Variants in KCNC1 observed in about 807,000 individuals in gnomAD.
KCNC1 encodes potassium voltage-gated channel subfamily C member 1.
A neutral mutation model predicts 43.4 loss-of-function variants in KCNC1; 8 were observed. The ratio of observed to expected loss-of-function variants is 0.18; its 90% CI spans 0.11 to 0.33. The LOEUF (loss-of-function observed/expected upper bound fraction) is 0.33, where lower values mean the gene tolerates loss of function less well. Among genes scored for constraint, KCNC1 ranks in the 10% least tolerant of loss-of-function variants. The pLI, the probability that KCNC1 is intolerant of heterozygous loss-of-function variation, is 1.00. For missense variants in KCNC1, 420 were observed against 836.0 expected, an observed-to-expected ratio of 0.50 and a Z score of 6.14; for synonymous variants, 361 against 360.5, an observed-to-expected ratio of 1.00 and a Z score of -0.01.
intron 2 of KCNC1, chr11:17,774,452 T>C: frequency 1.0e-6 from 1 of 985,508 alleles, no homozygotes; most frequent in Non-Finnish European, 1.2e-6. Context: ...TCCCCAGTGC[T>C]CTCCAGGCAG....
In KCNC1 at chr11:17,773,410, C is replaced by A. The variant is rs1229926898; in HGVS notation, c.1504+812C>A. On this transcript the variant is annotated intron_variant, in intron 2 of 3. Transcript: ENST00000265969. This position sits in a 1 kb window ranked among gnomAD's most constrained non-coding sequence, Gnocchi z 4.1. The stretch of plus-strand genomic sequence containing the variant: ...TGCCGAGCAAAAGACTAGAGGGGGC[C>A]ACCACCCTGGGCAGCTTAGATGAAA... 1.0e-6 allele frequency: 1 copy of A among 985,262 alleles called. No individual in the cohort carries two copies. The highest frequency in any genetic ancestry group is 6.2e-5 in the Admixed American group (1 of 16,260). 61.0% of individuals were successfully genotyped at this position (985,262 alleles called of 1,614,324 possible).
chr11:17,751,070 G>A (rs1389561493), intron 1 of KCNC1, among the ~76,000 whole-genome samples: 3 of 152,164 alleles, frequency 2.0e-5, no homozygotes, highest in East Asian at 3.8e-4. Context: ...CCCTCTTATT[G>A]ATGAGGGAAA....
At chr11:17,778,350 C>T (rs1315204559) in intron 2 of KCNC1, among the ~76,000 whole-genome samples, 1 of 152,220 alleles carries the variant, frequency 6.6e-6, no homozygotes, top group Non-Finnish European at 1.5e-5. Flanking sequence ...CAGGCTGCCA[C>T]AGAGGCCAGA....
intron 1 of KCNC1, among the ~76,000 whole-genome samples, chr11:17,752,064 A>G (rs746766217): frequency 1.3e-5 from 2 of 152,140 alleles, no homozygotes; most frequent in African/African-American, 2.4e-5. Context: ...GCTTTTTGCT[A>G]TCAACCCCCA....
intron 1 of KCNC1, among the ~76,000 whole-genome samples, chr11:17,748,151 A>G (rs2133785468): frequency 6.6e-6 from 1 of 152,334 alleles, no homozygotes; most frequent in African/African-American, 2.4e-5. Context: ...GCAGGAGCCC[A>G]GGGCGCACTG....
rs942115313 is a variant in KCNC1 at position 17,739,055 on chromosome 11, C to T, written c.570+2483C>T. Among the ~76,000 whole-genome samples the T allele has an allele frequency of 3.3e-5, 5 of 152,324 alleles. No homozygotes were observed. The highest frequency in any genetic ancestry group is 1.2e-4 in the African/African-American group (5 of 41,574). ...CCGCCCGGCTGGCCTAGCTGCACTGCGCTGCCTCTCTGCGGCTCATCTGCG... is the reference window on the plus strand; with the variant it reads ...CCGCCCGGCTGGCCTAGCTGCACTGTGCTGCCTCTCTGCGGCTCATCTGCG... On this transcript the variant is annotated intron_variant, in intron 1 of 3. Coordinates refer to ENST00000265969, the MANE Select transcript of KCNC1 (RefSeq NM_001112741.2). The surrounding 1 kb of genome is among the most constrained non-coding windows in gnomAD (Gnocchi z 4.2).
At chr11:17,738,896 G>A (rs1253042790) in intron 1 of KCNC1, among the ~76,000 whole-genome samples, 1 of 152,232 alleles carries the variant, frequency 6.6e-6, no homozygotes, top group Non-Finnish European at 1.5e-5. Context: ...TGGCCTCAAA[G>A]GAAGGTTGTT....
In KCNC1 at chr11:17,777,870, G is replaced by A. The variant is rs924190304; in HGVS notation, c.1505-1586G>A. ...GTAGTGACATGATGTGTACACGGGC[G>A]GTAATCCCACCCACGTGCACGCCCA... is the stretch of plus-strand genomic sequence containing the variant. On this transcript the variant is annotated intron_variant, in intron 2 of 3. Transcript: ENST00000265969. The surrounding 1 kb of genome is among the most constrained non-coding windows in gnomAD (Gnocchi z 4.3). The A allele has an allele frequency of 3.3e-5, 33 of 985,976 alleles. No homozygotes were observed. The highest frequency in any genetic ancestry group is 9.4e-5 in the South Asian group (2 of 21,270). 61.1% of individuals were successfully genotyped at this position (985,976 alleles called of 1,614,324 possible).
intron 1 of KCNC1, among the ~76,000 whole-genome samples, chr11:17,750,349 G>T (rs1848953011): frequency 6.6e-6 from 1 of 152,258 alleles, no homozygotes; most frequent in Admixed American, 6.5e-5. Context: ...TCAGCCGGTT[G>T]CCCACAACCT....
intron 2 of KCNC1, chr11:17,775,722 C>T: frequency 5.1e-6 from 5 of 985,848 alleles, no homozygotes; most frequent in Non-Finnish European, 6.0e-6. Flanking sequence ...CTTTGTGGTG[C>T]CGCGTCCAGG....
Position 17,742,757 on chromosome 11 carries a change from C to G in KCNC1, c.570+6185C>G, listed in dbSNP as rs1430816712. ...GCTCAGAGAGGGAAAGACACTTGCT[C>G]AAGACAACACAGGGAATCAGTGAGA... is the stretch of plus-strand genomic sequence containing the variant. On this transcript the variant is annotated intron_variant, in intron 1 of 3. Transcript: ENST00000265969. The surrounding 1 kb of genome is among the most constrained non-coding windows in gnomAD (Gnocchi z 4.2). 6.6e-6 allele frequency among the ~76,000 whole-genome samples: 1 copy of G among 152,182 alleles called. No individual in the cohort carries two copies. The highest frequency in any genetic ancestry group is 1.9e-4 in the East Asian group (1 of 5,202).
Position 17,782,023 on chromosome 11 carries a change from C to A in KCNC1, c.*289C>A. The stretch of plus-strand genomic sequence containing the variant: ...GCATGAAGTTAAACAGAAAACCCAG[C>A]AAACCAAACCCACCAACCCCCTGCA... On this transcript the variant is annotated 3_prime_UTR_variant, in exon 4 of 4. Transcript: ENST00000265969. The A allele has an allele frequency of 2.6e-6, 1 of 386,084 alleles. No homozygotes were observed. The highest frequency in any genetic ancestry group is 4.6e-6 in the Non-Finnish European group (1 of 217,502). The allele number at this position is 386,084 out of a possible 1,614,324, so 23.9% of individuals were successfully genotyped here. A position where few individuals can be genotyped will look rare whatever the true frequency, so the allele number is the denominator to read the frequency against.
chr11:17,777,279 C>A lies in KCNC1; in HGVS notation c.1505-2177C>A. On this transcript the variant is annotated intron_variant, in intron 2 of 3. Transcript: ENST00000265969. The surrounding 1 kb of genome is among the most constrained non-coding windows in gnomAD (Gnocchi z 4.3). ...CCCCTCTGACCCACCCCTCCCCAGG[C>A]AAGAACTGCAGGCTGTGGACACCTC... The A allele has an allele frequency of 1.0e-6, 1 of 985,904 alleles. No homozygotes were observed. Among genetic ancestry groups the A allele is most frequent in the Non-Finnish European group, 1.2e-6 (1 of 830,012 alleles). 61.1% of individuals were successfully genotyped at this position (985,904 alleles called of 1,614,324 possible).
At position 17,779,471 on chromosome 11, in the gene KCNC1, G is replaced by A. The variant is rs907608917; in HGVS notation, c.1520G>A (p.Gly507Glu). The A allele has an allele frequency of 6.5e-7, 1 of 1,548,542 alleles. No individual in the cohort carries two copies. The highest frequency in any genetic ancestry group is 8.7e-7 in the Non-Finnish European group (1 of 1,145,758). ...ATGTTTGAAGATTCCAAACTGAATG[G>A]GGAGGTGGCGAAGGCCGCGCTGGCG... ...EINRADSKLN[G>E]EVAKAALANE... The change falls in exon 3 of 4, where the codon GGG becomes GAG. Residue 507 changes from glycine to glutamate, a missense_variant. By Grantham distance (98) the Gly-to-Glu change is moderately conservative. Around this residue, in one of 5 missense-constraint regions of KCNC1, gnomAD observed 147 missense variants for 176.1 expected, o/e 0.83. Coordinates refer to ENST00000265969, the MANE Select transcript of KCNC1 (RefSeq NM_001112741.2). This position sits in a 1 kb window ranked among gnomAD's most constrained non-coding sequence, Gnocchi z 7.2.
Position 17,771,666 on chromosome 11 carries a change from A to G in KCNC1, c.572A>G (p.Tyr191Cys). 3 of 1,606,850 alleles carry G rather than the reference A, an allele frequency of 1.9e-6. No individual in the cohort carries two copies. The highest frequency in any genetic ancestry group is 2.6e-6 in the Non-Finnish European group (3 of 1,174,288). Residue 191 changes from tyrosine to cysteine, a missense_variant and splice_region_variant, in exon 2 of 4, where the codon TAT (tyrosine) becomes TGT (cysteine). Physicochemically the swap from Tyr to Cys is radical, Grantham distance 194. Coordinates refer to ENST00000265969, the MANE Select transcript of KCNC1 (RefSeq NM_001112741.2). The surrounding 1 kb of genome is among the most constrained non-coding windows in gnomAD (Gnocchi z 4.7). ...GACACTGTGTCTTTATCCCCACAGT[A>G]TGTGGCCTTCGCTTCCCTCTTCTTC... ...EDPYSSRYAR[Y>C]VAFASLFFIL...
At position 17,741,876 on chromosome 11, in the gene KCNC1, C is replaced by T. The variant is rs72632992; in HGVS notation, c.570+5304C>T. Among the ~76,000 whole-genome samples, 373 of 152,330 alleles carry T rather than the reference C, an allele frequency of 2.4e-3. 8 individuals are homozygous for T. In the East Asian group the frequency reaches 0.048, roughly 19 times the overall value. On this transcript the variant is annotated intron_variant, in intron 1 of 3. Transcript: ENST00000265969. The stretch of plus-strand genomic sequence containing the variant: ...CCTCTGGCTCACCCCTCTTTATCCC[C>T]GACACCCCACCTCAAACAGCAGCTC...
rs779961591 is a variant in KCNC1, at chr11:17,772,318, G to A, written c.1224G>A (p.Pro408=). 2.0e-5 allele frequency: 33 copies of A among 1,614,078 alleles called. No individual in the cohort carries two copies. The highest frequency in any genetic ancestry group is 1.6e-4 in the Middle Eastern group (1 of 6,084). The change falls in exon 2 of 4, where the codon CCG becomes CCA. Residue 408 remains proline, a synonymous_variant. Transcript: ENST00000265969. ...MTTLGYGDMY[P]QTWSGMLVGA... The stretch of plus-strand genomic sequence containing the variant: ...CCCTGGGCTATGGAGACATGTACCC[G>A]CAGACGTGGTCCGGCATGCTGGTGG...
At position 17,777,747 on chromosome 11, in the gene KCNC1, C is replaced by CT. The variant is rs1011942363; in HGVS notation, c.1505-1700dup. The CT allele has an allele frequency of 3.1e-5, 30 of 981,508 alleles. No individual in the cohort carries two copies. Among genetic ancestry groups the CT allele is most frequent in the Non-Finnish European group, 3.6e-5 (30 of 826,232 alleles). 60.8% of individuals were successfully genotyped at this position (981,508 alleles called of 1,614,324 possible). On this transcript the variant is annotated intron_variant, in intron 2 of 3. Transcript: ENST00000265969. This position sits in a 1 kb window ranked among gnomAD's most constrained non-coding sequence, Gnocchi z 4.3. ...ATGCTTTGCCATCTTGTACGAAAGA[C>CT]TTTTTTTTTAAGTTCCAAAATTATG...
intron 1 of KCNC1, among the ~76,000 whole-genome samples, chr11:17,761,742 A>G (rs544401233): frequency 1.5e-4 from 23 of 152,292 alleles, no homozygotes; most frequent in African/African-American, 5.3e-4. Flanking sequence ...CATGGATCCC[A>G]AATGCCAGGA....
Sources: allele counts gnomAD v4.1 joint callset (sites outside exome capture counted in the v4.1 genomes callset), GRCh38; gene constraint gnomAD v4.1.1; regional missense constraint gnomAD v4.1.1; non-coding constraint Gnocchi (gnomAD v3.1); transcripts MANE v1.5; gene names NCBI Gene and HGNC (gene_info 2026-07-23, HGNC 2026-07-21).